Variants in GARRE1 observed in about 807,000 individuals in gnomAD.
GARRE1 encodes the protein granule associated Rac and RHOG effector protein 1.
Under a neutral mutation model 103.2 loss-of-function variants are expected in GARRE1, and 49 were observed. That is an observed-to-expected ratio of 0.47 (90% CI 0.38 to 0.60). The LOEUF (loss-of-function observed/expected upper bound fraction) is 0.60, where lower values mean the gene tolerates loss of function less well. GARRE1 is among the 20% of genes least tolerant of loss of function. The probability of loss-of-function intolerance (pLI) is 0.00; values close to 1 mark genes in which losing one functional copy is unlikely to be tolerated. For synonymous variants in GARRE1, 505 were observed against 532.8 expected, an observed-to-expected ratio of 0.95 and a Z score of 0.72; for missense variants, 1,199 against 1,370.5, an observed-to-expected ratio of 0.87 and a Z score of 1.98.
chr19:34,284,692 G>C (rs989960754), intron 1 of GARRE1, among the ~76,000 whole-genome samples: 13 of 152,196 alleles, frequency 8.5e-5, no homozygotes, highest in African/African-American at 3.1e-4. Context: ...TTCACAATGC[G>C]TATTTATTTC....
In GARRE1 at chr19:34,353,101, G is replaced by C. The variant is rs1480987786; in HGVS notation, c.*146G>C. 1 of 754,790 alleles carries C rather than the reference G, an allele frequency of 1.3e-6. No homozygotes were observed. Among genetic ancestry groups the C allele is most frequent in the Non-Finnish European group, 2.1e-6 (1 of 481,038 alleles). The allele number at this position is 754,790 out of a possible 1,614,324, so 46.8% of individuals were successfully genotyped here. A position where few individuals can be genotyped will look rare whatever the true frequency, so the allele number is the denominator to read the frequency against. Reference sequence around the variant, plus strand: ...CCAGGGAGGGTTCCTTGGGGACAAGGGTGGTTGGCAGCTCCAAGCCTTTAA... The same window carrying C: ...CCAGGGAGGGTTCCTTGGGGACAAGCGTGGTTGGCAGCTCCAAGCCTTTAA... On this transcript the variant is annotated 3_prime_UTR_variant, in exon 14 of 14. Coordinates refer to ENST00000299505, the MANE Select transcript of GARRE1 (RefSeq NM_014686.5).
At chr19:34,311,301 A>T (rs1280772372) in intron 2 of GARRE1, among the ~76,000 whole-genome samples, 3 of 152,208 alleles carry the variant, frequency 2.0e-5, no homozygotes, top group African/African-American at 7.2e-5. Flanking sequence ...GGGAGTGGTC[A>T]CTTGAATAAG....
At chr19:34,290,887 T>C (rs1599758279) in intron 1 of GARRE1, among the ~76,000 whole-genome samples, 2 of 6,130 alleles carry the variant, frequency 3.3e-4, no homozygotes, top group African/African-American at 5.9e-4. Context: ...TTTTTTTTTT[T>C]TTTTTTTTTT....
Position 34,303,195 on chromosome 19 carries a change from TGATA to T in GARRE1, c.495+2231_495+2234del, listed in dbSNP as rs796502333. Among the ~76,000 whole-genome samples, 9 of 152,350 alleles carry T rather than the reference TGATA, an allele frequency of 5.9e-5. 1 individual carries two copies. Among genetic ancestry groups the T allele is most frequent in the African/African-American group, 2.2e-4 (9 of 41,586 alleles). On this transcript the variant is annotated intron_variant, in intron 2 of 13. Coordinates refer to ENST00000299505, the MANE Select transcript of GARRE1 (RefSeq NM_014686.5). ...TCAACTTTGATCTCTTATATTCGTTTGATAGATTTTAAAAATTACTTTTAGCTGT... is the reference window on the plus strand; with the variant it reads ...TCAACTTTGATCTCTTATATTCGTTTGATTTTAAAAATTACTTTTAGCTGT...
At chr19:34,261,348 A>C (rs569087770) in intron 1 of GARRE1, among the ~76,000 whole-genome samples, 59 of 152,130 alleles carry the variant, frequency 3.9e-4, no homozygotes, top group African/African-American at 1.4e-3. Flanking sequence ...ATTCAATGAC[A>C]GTATTAGCTC....
intron 1 of GARRE1, among the ~76,000 whole-genome samples, chr19:34,258,927 CAG>C (rs1383425279): frequency 2.0e-5 from 3 of 152,120 alleles, no homozygotes; most frequent in Non-Finnish European, 2.9e-5. Context: ...AGGTCTGGCA[CAG>C]GGGCTCATGC....
chr19:34,319,014 C>CA (rs35793838), intron 2 of GARRE1, among the ~76,000 whole-genome samples: 77,447 of 148,694 alleles, frequency 0.52, 21,470 homozygotes, highest in Non-Finnish European at 0.63. Context: ...GACTCCATTT[C>CA]AAAAAAAAAA....
intron 8 of GARRE1, among the ~76,000 whole-genome samples, chr19:34,338,551 G>A (rs1360764836): frequency 3.3e-5 from 5 of 151,948 alleles, no homozygotes; most frequent in African/African-American, 1.2e-4. Context: ...AAAAGGTTGG[G>A]GGGCTCTTGG....
At position 34,276,533 on chromosome 19, in the gene GARRE1, C is replaced by T. The variant is rs928705206; in HGVS notation, c.-796+21919C>T. ...AAACAGATTTGTAAAAGTTAAAGGA[C>T]AGGCTCCCCAGAGAAATAGCCAGTG... is the stretch of plus-strand genomic sequence containing the variant. On this transcript the variant is annotated intron_variant, in intron 1 of 13. Transcript: ENST00000299505. 2.6e-5 allele frequency among the ~76,000 whole-genome samples: 4 copies of T among 152,186 alleles called. No homozygotes were observed. The South Asian group carries it at 8.3e-4, about 32-fold the overall frequency.
chr19:34,306,365 G>T (rs930672407), intron 2 of GARRE1, among the ~76,000 whole-genome samples: 1 of 152,210 alleles, frequency 6.6e-6, no homozygotes, highest in African/African-American at 2.4e-5. Flanking sequence ...TTGCCATGTG[G>T]CCAGTGCATG....
chr19:34,268,517 T>C (rs1056900369), intron 1 of GARRE1, among the ~76,000 whole-genome samples: 3 of 152,206 alleles, frequency 2.0e-5, no homozygotes, highest in Non-Finnish European at 4.4e-5. Flanking sequence ...GAGTGAGCTT[T>C]TGACTTCATA....
At chr19:34,281,108 C>T (rs2073850236) in intron 1 of GARRE1, among the ~76,000 whole-genome samples, 2 of 152,144 alleles carry the variant, frequency 1.3e-5, no homozygotes, top group Non-Finnish European at 2.9e-5. Context: ...GGGGTCCAGT[C>T]AAAACACGAT....
chr19:34,289,942 G>A (rs1012868333), intron 1 of GARRE1, among the ~76,000 whole-genome samples: 2 of 152,088 alleles, frequency 1.3e-5, no homozygotes, highest in African/African-American at 4.8e-5. Flanking sequence ...ATCATGAAGG[G>A]CCTTTTTGGC....
At chr19:34,332,272 A>C (rs1396822093) in intron 7 of GARRE1, among the ~76,000 whole-genome samples, 2 of 152,140 alleles carry the variant, frequency 1.3e-5, no homozygotes, top group Non-Finnish European at 2.9e-5. Context: ...CAAAAGAAGT[A>C]GTAAACCAGA....
chr19:34,276,185 AG>A (rs2073816112), intron 1 of GARRE1, among the ~76,000 whole-genome samples: 1 of 152,090 alleles, frequency 6.6e-6, no homozygotes, highest in Admixed American at 6.6e-5. Context: ...CTGGGATTAC[AG>A]GTGTGCGCCA....
intron 2 of GARRE1, among the ~76,000 whole-genome samples, chr19:34,318,619 G>A (rs76319470): frequency 0.019 from 2,901 of 152,262 alleles, 102 homozygotes; most frequent in African/African-American, 0.066. Context: ...GCTGCAAAAG[G>A]TTTTTGTTGG....
intron 10 of GARRE1, among the ~76,000 whole-genome samples, chr19:34,347,024 A>G (rs778024496): frequency 2.6e-5 from 4 of 151,964 alleles, no homozygotes; most frequent in African/African-American, 9.7e-5. Context: ...CCTGGGCCCA[A>G]GTGATCCCCC....
At chr19:34,258,559 C>A (rs997840163) in intron 1 of GARRE1, among the ~76,000 whole-genome samples, 1 of 151,582 alleles carries the variant, frequency 6.6e-6, no homozygotes, top group Admixed American at 6.6e-5. Context: ...CCGAGGTGAG[C>A]GGATCACGAG....
chr19:34,345,470 A>G (rs1405535885), intron 10 of GARRE1, among the ~76,000 whole-genome samples: 1 of 152,192 alleles, frequency 6.6e-6, no homozygotes, highest in Admixed American at 6.5e-5. Flanking sequence ...TGGTGTGTAC[A>G]TTTTTTGACT....
Sources: gnomAD v4.1 joint callset for allele counts (sites outside exome capture counted in the v4.1 genomes callset) on GRCh38, gnomAD v4.1.1 for gene constraint, MANE v1.5 for transcripts, NCBI Gene and HGNC (gene_info 2026-07-23, HGNC 2026-07-21) for gene names.